HIP1: variants seen among roughly 807,000 people sequenced by gnomAD.
HIP1 encodes the protein huntingtin interacting protein 1, also known as huntingtin-interacting protein 1.
HIP1 carries 65 observed loss-of-function variants against 147.6 expected under a neutral mutation model. The observed-to-expected ratio is 0.44, with a 90% CI of 0.36 to 0.54. HIP1 has a LOEUF of 0.54. Among genes scored for constraint, HIP1 ranks in the 20% least tolerant of loss-of-function variants. The pLI, the probability that HIP1 is intolerant of heterozygous loss-of-function variation, is 0.00. For synonymous variants in HIP1, 479 were observed against 504.0 expected, an observed-to-expected ratio of 0.95 and a Z score of 0.67; for missense variants, 1,061 against 1,299.6, an observed-to-expected ratio of 0.82 and a Z score of 2.82.
intron 1 of HIP1, among the ~76,000 whole-genome samples, chr7:75,656,423 T>C (rs1328285446): frequency 7.5e-6 from 1 of 133,450 alleles, no homozygotes; most frequent in Non-Finnish European, 1.6e-5. Flanking sequence ...AAAGCAAAAC[T>C]ATAAACTTAG....
chr7:75,679,956 A>G (rs923227318), intron 1 of HIP1, among the ~76,000 whole-genome samples: 1 of 152,208 alleles, frequency 6.6e-6, no homozygotes. Context: ...CAAAGCCAGC[A>G]TCCTAGAAAT....
chr7:75,719,269 C>T (rs1177950790), intron 1 of HIP1, among the ~76,000 whole-genome samples: 1 of 152,000 alleles, frequency 6.6e-6, no homozygotes, highest in Non-Finnish European at 1.5e-5. Flanking sequence ...CTTTGGGAGG[C>T]CAAGGCGGGC....
Position 75,563,169 on chromosome 7 carries a change from T to C in HIP1, c.879+19A>G. ...TGGGGCCTCTGCAGTGCCGAGGGTG[T>C]GTGGTTGGGCATGCTTACCTCAGGC... On this transcript the variant is annotated intron_variant, in intron 10 of 30. Transcript: ENST00000336926. 1 of 1,614,014 alleles carries C rather than the reference T, an allele frequency of 6.2e-7. No individual in the cohort carries two copies. The highest frequency in any genetic ancestry group is 8.5e-7 in the Non-Finnish European group (1 of 1,179,914).
intron 1 of HIP1, among the ~76,000 whole-genome samples, chr7:75,660,919 A>G (rs1584928544): frequency 6.6e-6 from 1 of 152,200 alleles, no homozygotes; most frequent in African/African-American, 2.4e-5. Flanking sequence ...GACCAAAGAC[A>G]TAGCATCGGG....
At position 75,533,762 on chromosome 7, in the gene HIP1, C is replaced by T. The variant is rs185785385; in HGVS notation, c.*4410G>A. On this transcript the variant is annotated 3_prime_UTR_variant, in exon 31 of 31. Coordinates refer to ENST00000336926, the MANE Select transcript of HIP1 (RefSeq NM_005338.7). ...CCTGTTGCTTTGGCTCCTGACAACA[C>T]CACGGTGTGGTGCTGATCTTGTATT... The T allele has an allele frequency of 7.7e-5, 18 of 233,054 alleles. No individual in the cohort carries two copies. The highest frequency in any genetic ancestry group is 6.7e-4 in the East Asian group (11 of 16,538). 14.4% of individuals were successfully genotyped at this position (233,054 alleles called of 1,614,324 possible). A position where few individuals can be genotyped will look rare whatever the true frequency, so the allele number is the denominator to read the frequency against.
chr7:75,665,348 G>A (rs1799523674), intron 1 of HIP1, among the ~76,000 whole-genome samples: 1 of 152,114 alleles, frequency 6.6e-6, no homozygotes, highest in Non-Finnish European at 1.5e-5. Context: ...TTGATTTTCT[G>A]TGTGAAATTA....
intron 1 of HIP1, chr7:75,626,533 C>T (rs1408306540): frequency 5.3e-5 from 8 of 152,266 alleles, no homozygotes; most frequent in African/African-American, 7.2e-5. Context: ...CACCACAACC[C>T]GGTATGGAAG....
intron 7 of HIP1, among the ~76,000 whole-genome samples, chr7:75,579,511 T>G (rs1189987270): frequency 6.6e-6 from 1 of 151,950 alleles, no homozygotes; most frequent in Admixed American, 6.6e-5. Flanking sequence ...AGGCTGGTCT[T>G]GAACTCCTGA....
rs1554492696 is a variant in HIP1 at position 75,554,123 on chromosome 7, C to T, written c.2148G>A (p.Glu716=). 2.5e-6 allele frequency: 4 copies of T among 1,613,624 alleles called. No homozygotes were observed. In the South Asian group the frequency reaches 3.3e-5, roughly 13 times the overall value. The change falls in exon 21 of 31, where the codon GAG becomes GAA. Residue 716 remains glutamate, a synonymous_variant. Transcript: ENST00000336926. ...TGCCCCGGTACTCACAGTCGGCAGG[C>T]TCAGGTGGGGCTCTGAGGCAGGTGG... ...GATTCLRAPP[E]PADSLTEACK... is the part of the protein sequence containing the mutation.
intron 1 of HIP1, among the ~76,000 whole-genome samples, chr7:75,645,249 G>C (rs534665888): frequency 6.6e-6 from 1 of 151,386 alleles, no homozygotes; most frequent in Non-Finnish European, 1.5e-5. Flanking sequence ...TTTTTGAGAC[G>C]AAGTTTCACT....
At chr7:75,716,831 G>A in intron 1 of HIP1, among the ~76,000 whole-genome samples, 1 of 136,954 alleles carries the variant, frequency 7.3e-6, no homozygotes, top group African/African-American at 3.4e-5. Flanking sequence ...TTTTTAGGGG[G>A]GGGGAAAGGA....
chr7:75,548,808 G>T, intron 23 of HIP1, 83 bp downstream of exon 23: 2 of 1,070,858 alleles, frequency 1.9e-6, no homozygotes, highest in South Asian at 2.6e-5. Flanking sequence ...CTTAATGAAC[G>T]ACTGTGACAT....
intron 1 of HIP1, among the ~76,000 whole-genome samples, chr7:75,679,437 C>T (rs1333542441): frequency 6.6e-6 from 1 of 152,214 alleles, no homozygotes; most frequent in Non-Finnish European, 1.5e-5. Flanking sequence ...CTCCTGGGCT[C>T]AAGTGATCCT....
intron 1 of HIP1, among the ~76,000 whole-genome samples, chr7:75,656,555 G>A (rs1482191785): frequency 2.0e-5 from 3 of 151,960 alleles, no homozygotes; most frequent in Non-Finnish European, 4.4e-5. Flanking sequence ...TCGGCTCACC[G>A]CAACCTCTGC....
chr7:75,632,281 G>A (rs1177055417), intron 1 of HIP1, among the ~76,000 whole-genome samples: 2 of 152,088 alleles, frequency 1.3e-5, no homozygotes, highest in African/African-American at 2.4e-5. Flanking sequence ...AGGGGCCTAC[G>A]TAAAAAGGGG....
chr7:75,622,091 G>T (rs1458239808), intron 1 of HIP1, among the ~76,000 whole-genome samples: 3 of 151,838 alleles, frequency 2.0e-5, no homozygotes, highest in African/African-American at 7.3e-5. Context: ...GACCAGCCTG[G>T]CCAACATGAT....
At chr7:75,637,993 CACACACACACATACACACACACACA>C (rs1798497381) in intron 1 of HIP1, among the ~76,000 whole-genome samples, 9 of 40,068 alleles carry the variant, frequency 2.2e-4, no homozygotes, top group African/African-American at 1.3e-3. Flanking sequence ...CCCCCCCCCC[CACACACACACATACACACACACACA>C]CACACACACA....
intron 1 of HIP1, among the ~76,000 whole-genome samples, chr7:75,705,096 T>G (rs1800946976): frequency 6.6e-6 from 1 of 152,204 alleles, no homozygotes; most frequent in Admixed American, 6.6e-5. Context: ...CACACTATTG[T>G]ACAACCATCA....
chr7:75,676,669 G>A (rs1554516076), intron 1 of HIP1, among the ~76,000 whole-genome samples: 1 of 151,822 alleles, frequency 6.6e-6, no homozygotes, highest in East Asian at 1.9e-4. Context: ...CCAGCTACAC[G>A]GGAGGCTGAG....
Sources: allele counts gnomAD v4.1 joint callset (sites outside exome capture counted in the v4.1 genomes callset), GRCh38; gene constraint gnomAD v4.1.1; transcripts MANE v1.5; gene names NCBI Gene and HGNC (gene_info 2026-07-23, HGNC 2026-07-21).